The following CSMD1 variants were observed in gnomAD, a reference collection of about 807,000 sequenced individuals.
CSMD1 encodes the protein CUB and sushi domain-containing protein 1.
In CSMD1, 213 loss-of-function variants were observed where a neutral mutation model predicts 417.5. That is an observed-to-expected ratio of 0.51 (90% CI 0.46 to 0.57). The LOEUF is 0.57. Ranked by LOEUF, CSMD1 falls within the 20% of genes least tolerant of loss-of-function variation. CSMD1 has a pLI of 0.00. For missense variants in CSMD1, 6,923 were observed against 4,529.7 expected (o/e 1.53, Z -15.17); for synonymous variants, 2,862 against 1,736.8 (o/e 1.65, Z -16.11).
intron 5 of CSMD1, among the ~76,000 whole-genome samples, chr8:3,815,421 G>A (rs1585038667): frequency 6.6e-6 from 1 of 152,168 alleles, no homozygotes; most frequent in African/African-American, 2.4e-5. Flanking sequence ...TAATTATATT[G>A]ATAGTATAAT....
chr8:4,691,414 TTGAG>T (rs763252617), intron 1 of CSMD1, among the ~76,000 whole-genome samples: 3 of 152,222 alleles, frequency 2.0e-5, no homozygotes, highest in Non-Finnish European at 4.4e-5. Context: ...TTGCAACATA[TTGAG>T]TAATTATATT....
rs111753492 is a variant in CSMD1, at chr8:4,834,013, C to T, written c.85+160319G>A. Among the ~76,000 whole-genome samples, 536 of 152,164 alleles carry T rather than the reference C, an allele frequency of 3.5e-3. 2 individuals carry two copies. Among genetic ancestry groups the T allele is most frequent in the South Asian group, 5.8e-3 (28 of 4,814 alleles). ...GGACCCCATTTTTATAAAAATAGAC[C>T]CGGGATGCAATATCGTACGTGGCCA... On this transcript the variant is annotated intron_variant, in intron 1 of 69. Transcript: ENST00000635120.
At chr8:4,427,072 C>T (rs951148708) in intron 2 of CSMD1, among the ~76,000 whole-genome samples, 2 of 152,030 alleles carry the variant, frequency 1.3e-5, no homozygotes, top group Non-Finnish European at 2.9e-5. Flanking sequence ...CTTGGGAGAT[C>T]AAAGAGCACA....
chr8:4,312,033 T>A (rs1263272040), intron 3 of CSMD1, among the ~76,000 whole-genome samples: 1 of 152,178 alleles, frequency 6.6e-6, no homozygotes, highest in Admixed American at 6.5e-5. Flanking sequence ...TTATAGTGTG[T>A]TGAAATCATT....
chr8:4,376,328 G>A (rs187924362), intron 3 of CSMD1, among the ~76,000 whole-genome samples: 33 of 152,282 alleles, frequency 2.2e-4, no homozygotes, highest in African/African-American at 7.7e-4. Flanking sequence ...TTCAAGAAGA[G>A]AATAAAAGTT....
chr8:4,248,124 A>C (rs1392364798), intron 3 of CSMD1, among the ~76,000 whole-genome samples: 1 of 152,042 alleles, frequency 6.6e-6, no homozygotes, highest in Admixed American at 6.6e-5. Flanking sequence ...TATTTTTTTT[A>C]AACAAATGGG....
intron 62 of CSMD1, among the ~76,000 whole-genome samples, chr8:2,959,153 TACAGCACAGTGGTG>T (rs1463292202): frequency 6.6e-6 from 1 of 152,228 alleles, no homozygotes; most frequent in Non-Finnish European, 1.5e-5. Flanking sequence ...GCCCAGAGTA[TACAGCACAGTGGTG>T]CAATCATAGC....
chr8:4,354,635 A>C (rs1182255554), intron 3 of CSMD1, among the ~76,000 whole-genome samples: 1 of 152,114 alleles, frequency 6.6e-6, no homozygotes, highest in Non-Finnish European at 1.5e-5. Flanking sequence ...TCTACTCAAA[A>C]AATAAACACA....
In CSMD1 at chr8:4,420,654, T is replaced by C. The variant is rs75677052; in HGVS notation, c.303-589A>G. Among the ~76,000 whole-genome samples, 820 of 152,222 alleles carry C rather than the reference T, an allele frequency of 5.4e-3. 5 individuals are homozygous for C. The highest frequency in any genetic ancestry group is 0.019 in the African/African-American group (778 of 41,532). On this transcript the variant is annotated intron_variant, in intron 2 of 69. Coordinates refer to ENST00000635120, the MANE Select transcript of CSMD1 (RefSeq NM_033225.6). ...GGTCGTGAAACAATCTGTGTTTCAG[T>C]TGGATTCCAAGCTGTGCTCTTAGGA...
rs6997411 is a variant in CSMD1, at chr8:4,600,167, C to G, written c.302+37175G>C. ...TGGGGCCATGTAGCTGAGCTGTGGTCGCAGAACAGGAGTGCAAATGTCAAA... is the reference window on the plus strand; with the variant it reads ...TGGGGCCATGTAGCTGAGCTGTGGTGGCAGAACAGGAGTGCAAATGTCAAA... On this transcript the variant is annotated intron_variant, in intron 2 of 69. Coordinates refer to ENST00000635120, the MANE Select transcript of CSMD1 (RefSeq NM_033225.6). Among the ~76,000 whole-genome samples the G allele has an allele frequency of 6.8e-3, 1,041 of 152,208 alleles. 16 individuals carry two copies. The highest frequency in any genetic ancestry group is 0.024 in the African/African-American group (1,012 of 41,512).
intron 2 of CSMD1, among the ~76,000 whole-genome samples, chr8:4,453,846 G>C (rs543436524): frequency 1.0e-5 from 1 of 99,528 alleles, no homozygotes; most frequent in South Asian, 3.8e-4. Flanking sequence ...TTTTGAGACA[G>C]AGTCTCACTC....
chr8:3,786,848 C>G (rs1208972902), intron 5 of CSMD1, among the ~76,000 whole-genome samples: 1 of 152,008 alleles, frequency 6.6e-6, no homozygotes, highest in Non-Finnish European at 1.5e-5. Flanking sequence ...GTTATAAAGG[C>G]ACTAATCACA....
chr8:3,034,644 G>C (rs1810553910), intron 50 of CSMD1, among the ~76,000 whole-genome samples: 1 of 152,080 alleles, frequency 6.6e-6, no homozygotes, highest in South Asian at 2.1e-4. Context: ...ATGCATAATA[G>C]TTTAACAAGG....
intron 6 of CSMD1, among the ~76,000 whole-genome samples, chr8:3,713,691 T>C (rs960470709): frequency 6.6e-6 from 1 of 152,126 alleles, no homozygotes; most frequent in Non-Finnish European, 1.5e-5. Flanking sequence ...CCCAAACAAA[T>C]AAATAAAATG....
In CSMD1 at chr8:3,812,283, G is replaced by C. The variant is rs563453537; in HGVS notation, c.819-58241C>G. 2.0e-5 allele frequency among the ~76,000 whole-genome samples: 3 copies of C among 152,204 alleles called. No homozygotes were observed. The South Asian group carries it at 6.2e-4, about 32-fold the overall frequency. On this transcript the variant is annotated intron_variant, in intron 5 of 69. Transcript: ENST00000635120. ...AAATAATAATGCATTGTTTTTGGTG[G>C]GGACTCTAATCTCACAGGGTCCTTT...
intron 26 of CSMD1, among the ~76,000 whole-genome samples, chr8:3,274,524 G>C (rs1205931005): frequency 6.6e-6 from 1 of 152,122 alleles, no homozygotes. Flanking sequence ...AGTTGACAGT[G>C]GGGTGTTAAA....
chr8:4,944,096 G>A (rs1467329915), intron 1 of CSMD1, among the ~76,000 whole-genome samples: 5 of 152,110 alleles, frequency 3.3e-5, no homozygotes, highest in Admixed American at 2.6e-4. Context: ...TGGAGTAGAA[G>A]GAAAGGCAGA....
chr8:4,430,641 A>C (rs963580775), intron 2 of CSMD1, among the ~76,000 whole-genome samples: 2 of 152,032 alleles, frequency 1.3e-5, no homozygotes, highest in Admixed American at 6.6e-5. Flanking sequence ...TTTTTTAATC[A>C]ATGCACCAAG....
At chr8:3,083,590 G>A (rs1403362522) in intron 49 of CSMD1, among the ~76,000 whole-genome samples, 3 of 110,746 alleles carry the variant, frequency 2.7e-5, no homozygotes, top group East Asian at 2.8e-4. Flanking sequence ...CTCCATCCAC[G>A]GTGACAGTTA....
Sources: allele counts gnomAD v4.1 joint callset (sites outside exome capture counted in the v4.1 genomes callset), GRCh38; gene constraint gnomAD v4.1.1; transcripts MANE v1.5; gene names NCBI Gene and HGNC (gene_info 2026-07-23, HGNC 2026-07-21).